Variants in KHDRBS2 observed in about 807,000 individuals in gnomAD.
KHDRBS2 encodes the protein KH domain-containing, RNA-binding, signal transduction-associated protein 2.
A neutral mutation model predicts 44.3 loss-of-function variants in KHDRBS2; 26 were observed. The ratio of observed to expected loss-of-function variants is 0.59; its 90% CI spans 0.43 to 0.81. KHDRBS2 has a LOEUF of 0.81. Ranked by LOEUF, KHDRBS2 falls within the 40% of genes least tolerant of loss-of-function variation. The pLI is 0.00. For missense variants in KHDRBS2, 476 were observed against 433.1 expected (o/e 1.10, Z -0.88); for synonymous variants, 194 against 151.1 (o/e 1.28, Z -2.08).
intron 6 of KHDRBS2, among the ~76,000 whole-genome samples, chr6:61,753,301 G>A (rs559849997): frequency 2.9e-4 from 44 of 152,256 alleles, no homozygotes; most frequent in Middle Eastern, 6.8e-3. Context: ...ACCAATGAGA[G>A]AAGAAAGCTT....
chr6:61,787,034 T>C (rs1222049161), intron 6 of KHDRBS2, among the ~76,000 whole-genome samples: 5 of 148,508 alleles, frequency 3.4e-5, no homozygotes, highest in African/African-American at 9.8e-5. Context: ...ATGTAGTTTA[T>C]AATATTATAT....
chr6:61,818,130 A>T (rs1193665850), intron 6 of KHDRBS2, among the ~76,000 whole-genome samples: 4 of 152,016 alleles, frequency 2.6e-5, no homozygotes, highest in Non-Finnish European at 5.9e-5. Flanking sequence ...GATAATATCT[A>T]CTATGATAAG....
chr6:62,133,330 G>C (rs142629308), intron 2 of KHDRBS2, among the ~76,000 whole-genome samples: 2 of 152,260 alleles, frequency 1.3e-5, no homozygotes, highest in East Asian at 1.9e-4. Flanking sequence ...TAAGTCTCAT[G>C]AGATCTGATA....
intron 7 of KHDRBS2, among the ~76,000 whole-genome samples, chr6:61,722,512 T>C (rs1481377872): frequency 6.6e-6 from 1 of 152,178 alleles, no homozygotes; most frequent in Non-Finnish European, 1.5e-5. Flanking sequence ...AATTCTATGT[T>C]CACTTATGCT....
the KHDRBS2 span, among the ~76,000 whole-genome samples, chr6:61,611,052 C>G: frequency 1.3e-5 from 2 of 152,126 alleles, no homozygotes; most frequent in Non-Finnish European, 2.9e-5. Context: ...TTTTGCATCT[C>G]TTTGGTAAAA....
chr6:61,903,380 A>C (rs1361099763), intron 4 of KHDRBS2, among the ~76,000 whole-genome samples: 1 of 152,146 alleles, frequency 6.6e-6, no homozygotes, highest in African/African-American at 2.4e-5. Context: ...TAAACATTTT[A>C]ACAAATTGCA....
At chr6:61,744,905 A>G (rs1776650177) in intron 6 of KHDRBS2, among the ~76,000 whole-genome samples, 1 of 152,152 alleles carries the variant, frequency 6.6e-6, no homozygotes, top group Non-Finnish European at 1.5e-5. Flanking sequence ...ACAGAATATT[A>G]ACATTTACTA....
At chr6:62,107,499 G>A (rs1351501398) in intron 2 of KHDRBS2, among the ~76,000 whole-genome samples, 7 of 152,092 alleles carry the variant, frequency 4.6e-5, no homozygotes, top group Admixed American at 1.3e-4. Context: ...AATCAATATC[G>A]TGAAAATGGC....
At chr6:61,748,613 A>C (rs1038591810) in intron 6 of KHDRBS2, among the ~76,000 whole-genome samples, 1 of 152,254 alleles carries the variant, frequency 6.6e-6, no homozygotes, top group African/African-American at 2.4e-5. Context: ...TATCAAATGT[A>C]ACTTATATGG....
intron 5 of KHDRBS2, among the ~76,000 whole-genome samples, chr6:61,900,305 T>C (rs555433104): frequency 6.6e-6 from 1 of 152,214 alleles, no homozygotes; most frequent in Non-Finnish European, 1.5e-5. Context: ...TGAGGTATAA[T>C]TTAAGTAAAC....
chr6:61,894,906 C>A lies in KHDRBS2; in HGVS notation c.612-73G>T, dbSNP rs530870956. The A allele has an allele frequency of 2.6e-4, 243 of 938,530 alleles. 3 individuals carry two copies. In the South Asian group the frequency reaches 3.4e-3, roughly 13 times the overall value. 58.1% of individuals were successfully genotyped at this position (938,530 alleles called of 1,614,324 possible). A position where few individuals can be genotyped will look rare whatever the true frequency, so the allele number is the denominator to read the frequency against. On this transcript the variant is annotated intron_variant, in intron 5 of 8. Coordinates refer to ENST00000281156, the MANE Select transcript of KHDRBS2 (RefSeq NM_152688.4). ...AAGGGCCTATCACAGAAAAAGTTTT[C>A]ATCTCACAGCCTCCATACAATGAAA...
intron 2 of KHDRBS2, among the ~76,000 whole-genome samples, chr6:62,132,439 T>C (rs1810544112): frequency 6.6e-6 from 1 of 152,104 alleles, no homozygotes; most frequent in African/African-American, 2.4e-5. Context: ...CCCCACTGAA[T>C]CAGAAATTCT....
At chr6:62,077,041 A>G (rs1274715485) in intron 2 of KHDRBS2, among the ~76,000 whole-genome samples, 1 of 152,006 alleles carries the variant, frequency 6.6e-6, no homozygotes, top group East Asian at 1.9e-4. Flanking sequence ...GCAAGATCCT[A>G]CATCTAAAAA....
chr6:61,703,429 G>T (rs2127546903), intron 7 of KHDRBS2, among the ~76,000 whole-genome samples: 1 of 151,780 alleles, frequency 6.6e-6, no homozygotes, highest in African/African-American at 2.4e-5. Flanking sequence ...ATATGTGAGG[G>T]ATATATATCT....
chr6:61,718,086 G>T (rs1389726146), intron 7 of KHDRBS2, among the ~76,000 whole-genome samples: 1 of 151,966 alleles, frequency 6.6e-6, no homozygotes. Context: ...TTCATATGTT[G>T]TTGCAGGGAT....
chr6:61,912,036 A>G (rs1412162122), intron 4 of KHDRBS2, among the ~76,000 whole-genome samples: 1 of 152,192 alleles, frequency 6.6e-6, no homozygotes, highest in African/African-American at 2.4e-5. Context: ...AAGTGAATCT[A>G]ACACAGAAAA....
chr6:62,202,449 C>A (rs1451284649), intron 1 of KHDRBS2, among the ~76,000 whole-genome samples: 1 of 151,950 alleles, frequency 6.6e-6, no homozygotes. Context: ...ACATCATATG[C>A]AATCATAAGA....
intron 4 of KHDRBS2, among the ~76,000 whole-genome samples, chr6:61,970,496 G>T (rs1771145624): frequency 6.6e-6 from 1 of 152,054 alleles, no homozygotes; most frequent in Admixed American, 6.6e-5. Context: ...ACAGAAGAAA[G>T]CTCACATGCA....
chr6:61,850,380 T>C (rs946385004), intron 6 of KHDRBS2, among the ~76,000 whole-genome samples: 1 of 151,904 alleles, frequency 6.6e-6, no homozygotes, highest in East Asian at 1.9e-4. Flanking sequence ...GAAAAAAAAA[T>C]AGTCATTTTT....
Sources: allele counts gnomAD v4.1 joint callset (sites outside exome capture counted in the v4.1 genomes callset), GRCh38; gene constraint gnomAD v4.1.1; transcripts MANE v1.5; gene names NCBI Gene and HGNC (gene_info 2026-07-23, HGNC 2026-07-21).